Variants in STK33 observed in about 807,000 individuals in gnomAD.
STK33 encodes serine/threonine-protein kinase 33.
Under a neutral mutation model 58.0 loss-of-function variants are expected in STK33, and 52 were observed. That is an observed-to-expected ratio of 0.90 (90% CI 0.72 to 1.13). STK33 has a LOEUF of 1.13. STK33 is among the 50% of genes most tolerant of loss of function. The probability of loss-of-function intolerance (pLI) is 0.00; values close to 1 mark genes in which losing one functional copy is unlikely to be tolerated. For missense variants in STK33, 630 were observed against 604.2 expected (o/e 1.04, Z -0.45); for synonymous variants, 215 against 200.1 (o/e 1.07, Z -0.63).
intron 1 of STK33, among the ~76,000 whole-genome samples, chr11:8,575,359 C>T (rs1172499552): frequency 6.6e-6 from 1 of 152,154 alleles, no homozygotes; most frequent in African/African-American, 2.4e-5. Flanking sequence ...ACCCAAGTGT[C>T]CATCAACAGA....
Position 8,392,773 on chromosome 11 carries a change from C to T in STK33, c.1345-63G>A. On this transcript the variant is annotated intron_variant, in intron 15 of 15. Coordinates refer to ENST00000687296, the MANE Select transcript of STK33 (RefSeq NM_001352389.2). ...AGCAATGCACATCAATTCAAAGATGCAAGGAACTACAAAGTTGTCCAGGAT... is the reference window on the plus strand; with the variant it reads ...AGCAATGCACATCAATTCAAAGATGTAAGGAACTACAAAGTTGTCCAGGAT... 4 of 1,544,344 alleles carry T rather than the reference C, an allele frequency of 2.6e-6. No individual in the cohort carries two copies. The South Asian group carries it at 4.6e-5, about 18-fold the overall frequency.
At chr11:8,565,004 T>G (rs1957353907) in intron 1 of STK33, among the ~76,000 whole-genome samples, 1 of 152,198 alleles carries the variant, frequency 6.6e-6, no homozygotes. Flanking sequence ...ACCAAATTAG[T>G]GATCCCTAAA....
chr11:8,498,740 G>A (rs944438641), intron 1 of STK33, among the ~76,000 whole-genome samples: 4 of 152,106 alleles, frequency 2.6e-5, no homozygotes, highest in African/African-American at 7.2e-5. Context: ...CAGATATATA[G>A]ACCAATGGAA....
At chr11:8,360,145 T>C in the STK33 span, among the ~76,000 whole-genome samples, 3 of 152,218 alleles carry the variant, frequency 2.0e-5, no homozygotes, top group Non-Finnish European at 4.4e-5. Context: ...TAAATTCAAT[T>C]ATTGCTGCGA....
intron 1 of STK33, among the ~76,000 whole-genome samples, chr11:8,518,205 G>T (rs1009258109): frequency 5.3e-5 from 8 of 152,134 alleles, no homozygotes; most frequent in Non-Finnish European, 1.2e-4. Context: ...TTAAAGAAAA[G>T]AATTTTCAAC....
intron 1 of STK33, among the ~76,000 whole-genome samples, chr11:8,524,261 C>G (rs1953832182): frequency 1.3e-5 from 2 of 152,092 alleles, no homozygotes; most frequent in Non-Finnish European, 2.9e-5. Flanking sequence ...CCACTATTGT[C>G]CTATGACCCT....
the STK33 span, among the ~76,000 whole-genome samples, chr11:8,345,056 G>A: frequency 2.0e-5 from 3 of 152,170 alleles, no homozygotes; most frequent in South Asian, 4.1e-4. Context: ...CCCCAGGACA[G>A]TTCTTCCCCT....
intron 14 of STK33, among the ~76,000 whole-genome samples, chr11:8,418,199 A>G (rs1231879500): frequency 1.3e-5 from 2 of 151,882 alleles, no homozygotes; most frequent in East Asian, 3.9e-4. Flanking sequence ...TCACCTAGTT[A>G]CTAAGCCTAC....
intron 1 of STK33, among the ~76,000 whole-genome samples, chr11:8,559,491 T>A (rs1215449168): frequency 6.6e-6 from 1 of 152,212 alleles, no homozygotes; most frequent in Non-Finnish European, 1.5e-5. Flanking sequence ...TATCAAGTAT[T>A]ATCTGTTCCA....
intron 1 of STK33, among the ~76,000 whole-genome samples, chr11:8,504,921 G>C (rs565177502): frequency 6.6e-6 from 1 of 152,096 alleles, no homozygotes; most frequent in Non-Finnish European, 1.5e-5. Context: ...GCAATCTTGC[G>C]GTTCTTTGTG....
intron 14 of STK33, among the ~76,000 whole-genome samples, chr11:8,424,437 C>T (rs570433284): frequency 0.04 from 5,907 of 149,472 alleles, 208 homozygotes; most frequent in Non-Finnish European, 0.059. Context: ...TGAATAGTGC[C>T]ACAATAAACA....
At chr11:8,494,357 G>A (rs1366533091) in intron 1 of STK33, among the ~76,000 whole-genome samples, 2 of 152,196 alleles carry the variant, frequency 1.3e-5, no homozygotes, top group African/African-American at 4.8e-5. Context: ...GCTACAAAGA[G>A]AATAAAATAC....
intron 8 of STK33, among the ~76,000 whole-genome samples, chr11:8,459,907 G>T (rs1947313780): frequency 6.6e-6 from 1 of 152,320 alleles, no homozygotes; most frequent in African/African-American, 2.4e-5. Flanking sequence ...AGGGCAGAGG[G>T]AACAATCACT....
At chr11:8,532,198 A>G (rs956698304) in intron 1 of STK33, among the ~76,000 whole-genome samples, 4 of 151,646 alleles carry the variant, frequency 2.6e-5, no homozygotes, top group African/African-American at 9.7e-5. Flanking sequence ...ACATGCACAC[A>G]TGTGATGTTA....
intron 1 of STK33, among the ~76,000 whole-genome samples, chr11:8,504,511 A>G (rs1290327887): frequency 6.6e-6 from 1 of 152,202 alleles, no homozygotes; most frequent in African/African-American, 2.4e-5. Flanking sequence ...ATTATAGGCC[A>G]GGTGCCATGG....
intron 1 of STK33, among the ~76,000 whole-genome samples, chr11:8,485,784 G>C (rs570312281): frequency 6.6e-6 from 1 of 152,174 alleles, no homozygotes; most frequent in South Asian, 2.1e-4. Flanking sequence ...CTTACATCAG[G>C]CATAATTTTT....
intron 1 of STK33, among the ~76,000 whole-genome samples, chr11:8,576,759 C>G (rs1958213916): frequency 6.6e-6 from 1 of 152,118 alleles, no homozygotes; most frequent in African/African-American, 2.4e-5. Flanking sequence ...CACAAGGCCA[C>G]ACAGCTAATA....
the STK33 span, among the ~76,000 whole-genome samples, chr11:8,344,536 C>T: frequency 9.5e-4 from 145 of 152,286 alleles, no homozygotes; most frequent in Non-Finnish European, 1.4e-3. Context: ...GAGGACTGAG[C>T]ACAGAGAGGT....
chr11:8,503,705 T>C (rs1226854071), intron 1 of STK33, among the ~76,000 whole-genome samples: 1 of 152,226 alleles, frequency 6.6e-6, no homozygotes, highest in East Asian at 1.9e-4. Flanking sequence ...TTTTAGTCAG[T>C]TCGACTTAAA....
Sources: gnomAD v4.1 joint callset for allele counts (sites outside exome capture counted in the v4.1 genomes callset) on GRCh38, gnomAD v4.1.1 for gene constraint, MANE v1.5 for transcripts, NCBI Gene and HGNC (gene_info 2026-07-23, HGNC 2026-07-21) for gene names.